The following BCAR3 variants were observed in gnomAD, a reference collection of about 807,000 sequenced individuals.
The protein encoded by BCAR3 is BCAR3 adaptor protein, NSP family member.
BCAR3 carries 37 observed loss-of-function variants against 80.1 expected under a neutral mutation model. The observed-to-expected ratio is 0.46, with a 90% confidence interval of 0.36 to 0.61. BCAR3 has a LOEUF of 0.61. Among genes scored for constraint, BCAR3 ranks in the 20% least tolerant of loss-of-function variants. The pLI is 0.00. For missense variants in BCAR3, 978 were observed against 1,068.2 expected, an observed-to-expected ratio of 0.92 and a Z score of 1.18; for synonymous variants, 389 against 418.9, an observed-to-expected ratio of 0.93 and a Z score of 0.87.
intron 2 of BCAR3, among the ~76,000 whole-genome samples, chr1:93,826,559 C>G (rs1287517855): frequency 6.6e-6 from 1 of 152,150 alleles, no homozygotes; most frequent in Non-Finnish European, 1.5e-5. Context: ...TTACTGAGGG[C>G]CTACCGTGTG....
At chr1:93,616,223 G>A (rs1570972688) in intron 3 of BCAR3, among the ~76,000 whole-genome samples, 1 of 152,114 alleles carries the variant, frequency 6.6e-6, no homozygotes, top group Admixed American at 6.5e-5. Flanking sequence ...ATTAAATAAT[G>A]ACTAATCTTA....
chr1:93,589,840 T>C (rs1674098813), intron 4 of BCAR3, among the ~76,000 whole-genome samples: 1 of 151,490 alleles, frequency 6.6e-6, no homozygotes, highest in South Asian at 2.1e-4. Context: ...AATAGGGTGG[T>C]TGGGGAGGTG....
intron 2 of BCAR3, among the ~76,000 whole-genome samples, chr1:93,790,579 G>C (rs1397111807): frequency 4.3e-5 from 6 of 138,384 alleles, no homozygotes; most frequent in Non-Finnish European, 9.2e-5. Flanking sequence ...ATCAAATACT[G>C]TCTGCTTTCA....
chr1:93,620,585 T>A (rs940179183), intron 3 of BCAR3, among the ~76,000 whole-genome samples: 1 of 152,090 alleles, frequency 6.6e-6, no homozygotes, highest in Admixed American at 6.5e-5. Flanking sequence ...ACCAAGCTAG[T>A]TGCAGAATTG....
intron 11 of BCAR3, among the ~76,000 whole-genome samples, chr1:93,565,749 G>A (rs943662743): frequency 1.3e-5 from 2 of 152,242 alleles, no homozygotes; most frequent in Non-Finnish European, 1.5e-5. Context: ...ACAGGTATGC[G>A]GTGCTTATAC....
At chr1:93,821,188 TG>T (rs1654205645) in intron 2 of BCAR3, among the ~76,000 whole-genome samples, 1 of 152,166 alleles carries the variant, frequency 6.6e-6, no homozygotes, top group Non-Finnish European at 1.5e-5. Context: ...CTGAGGGGTC[TG>T]GGGAGGGTAA....
Position 93,589,264 on chromosome 1 carries a change from G to A in BCAR3, c.642C>T (p.Arg214=), listed in dbSNP as rs774393005. 8 of 1,614,078 alleles carry A rather than the reference G, an allele frequency of 5.0e-6. No homozygotes were observed. Among genetic ancestry groups the A allele is most frequent in the African/African-American group, 2.7e-5 (2 of 74,942 alleles). The change falls in exon 5 of 12, where the codon CGC becomes CGT. Residue 214 remains arginine (R), a synonymous_variant. Coordinates refer to ENST00000260502, the MANE Select transcript of BCAR3 (RefSeq NM_003567.4). The stretch of plus-strand genomic sequence containing the variant: ...TCTCCATCTCGAACTGGTACTGCAC[G>A]CGGCTGTAGGCCTCGCTGAGTCGCA... The part of the protein sequence containing the change: ...TVLRLSEAYS[R]VQYQFEMESF...
intron 2 of BCAR3, among the ~76,000 whole-genome samples, chr1:93,746,618 G>A (rs1215564016): frequency 1.3e-5 from 2 of 152,188 alleles, no homozygotes; most frequent in East Asian, 3.9e-4. Context: ...ACCTGTAAAT[G>A]TAGTCAAGGC....
chr1:93,752,934 G>A (rs1453695092), intron 2 of BCAR3: 3 of 152,204 alleles, frequency 2.0e-5, no homozygotes, highest in Non-Finnish European at 4.4e-5. Context: ...TTATAGCTAT[G>A]GCAGTATTTT....
At chr1:93,631,899 T>G (rs1328228242) in intron 3 of BCAR3, among the ~76,000 whole-genome samples, 1 of 152,172 alleles carries the variant, frequency 6.6e-6, no homozygotes, top group African/African-American at 2.4e-5. Context: ...CTCTCTGACT[T>G]GTGGCACAAG....
Position 93,674,660 on chromosome 1 carries a change from G to A in BCAR3, c.271C>T (p.Gln91Ter). ...TGCCGGTCCTGCCATGGGCTCTCCT[G>A]GATGCCATCCTGGGTCACAGGCGAG... ...QNSPVTQDGIQESPWQDRHGE... is the reference protein window; with the variant it reads ...QNSPVTQDGI Residue 91 changes from glutamine to a stop codon, truncating the protein, a stop_gained, in exon 2 of 12, where the codon CAG becomes TAG. Coordinates refer to ENST00000260502, the MANE Select transcript of BCAR3 (RefSeq NM_003567.4). LOFTEE classifies it high-confidence loss of function. The A allele has an allele frequency of 6.2e-7, 1 of 1,614,052 alleles. No individual in the cohort carries two copies. The highest frequency in any genetic ancestry group is 1.1e-5 in the South Asian group (1 of 91,054).
Position 93,639,697 on chromosome 1 carries a change from G to A in BCAR3, c.357+2607C>T, listed in dbSNP as rs559602663. 6.6e-5 allele frequency among the ~76,000 whole-genome samples: 10 copies of A among 152,052 alleles called. No individual in the cohort carries two copies. In the South Asian group the frequency reaches 2.1e-3, roughly 32 times the overall value. On this transcript the variant is annotated intron_variant, in intron 3 of 11. Coordinates refer to ENST00000260502, the MANE Select transcript of BCAR3 (RefSeq NM_003567.4). Reference sequence around the variant, plus strand: ...TCACCATGTTGGCCAGGCTGGTCTCGAACTCCTGACCTCGGGTGATCTGCC... The same window carrying A: ...TCACCATGTTGGCCAGGCTGGTCTCAAACTCCTGACCTCGGGTGATCTGCC...
chr1:93,758,151 A>T (rs1427255411), intron 2 of BCAR3, among the ~76,000 whole-genome samples: 1 of 151,848 alleles, frequency 6.6e-6, no homozygotes, highest in African/African-American at 2.4e-5. Flanking sequence ...AGCACTCCCG[A>T]AGTCAGGAGG....
chr1:93,768,695 C>T (rs764722720), intron 2 of BCAR3, among the ~76,000 whole-genome samples: 2 of 152,172 alleles, frequency 1.3e-5, no homozygotes, highest in Admixed American at 6.5e-5. Context: ...GCAGCCAGCC[C>T]AGGGCCCCTG....
intron 2 of BCAR3, among the ~76,000 whole-genome samples, chr1:93,730,620 GC>G (rs887923114): frequency 1.3e-5 from 2 of 152,184 alleles, no homozygotes; most frequent in Admixed American, 1.3e-4. Context: ...CCAGGGTATG[GC>G]CCTGTTAGAT....
At chr1:93,633,490 G>A (rs1196000047) in intron 3 of BCAR3, among the ~76,000 whole-genome samples, 1 of 152,170 alleles carries the variant, frequency 6.6e-6, no homozygotes, top group East Asian at 1.9e-4. Context: ...TCTGTTGAAT[G>A]AGCCACTGCA....
At chr1:93,844,567 C>G (rs1655074858) in intron 2 of BCAR3, among the ~76,000 whole-genome samples, 1 of 152,230 alleles carries the variant, frequency 6.6e-6, no homozygotes, top group African/African-American at 2.4e-5. Flanking sequence ...ACAACACCCA[C>G]TGAATCTTTC....
intron 3 of BCAR3, among the ~76,000 whole-genome samples, chr1:93,637,322 T>C (rs1192995632): frequency 6.6e-6 from 1 of 152,000 alleles, no homozygotes; most frequent in Non-Finnish European, 1.5e-5. Flanking sequence ...GCCCAGCTAA[T>C]TTTTGTATTT....
intron 2 of BCAR3, among the ~76,000 whole-genome samples, chr1:93,838,894 G>A (rs1038261595): frequency 2.6e-5 from 4 of 152,206 alleles, no homozygotes; most frequent in Non-Finnish European, 4.4e-5. Flanking sequence ...GTGAAATAGT[G>A]AAATAAGGAG....
Sources: gnomAD v4.1 joint callset for allele counts (sites outside exome capture counted in the v4.1 genomes callset) on GRCh38, gnomAD v4.1.1 for gene constraint, MANE v1.5 for transcripts, NCBI Gene and HGNC (gene_info 2026-07-23, HGNC 2026-07-21) for gene names.